Variants in TPRG1 observed in about 807,000 individuals in gnomAD.
TPRG1 encodes tumor protein p63-regulated gene 1 protein.
A neutral mutation model predicts 29.3 loss-of-function variants in TPRG1; 29 were observed. The ratio of observed to expected loss-of-function variants is 0.99; its 90% confidence interval spans 0.74 to 1.35. TPRG1 has a LOEUF of 1.35. Ranked by LOEUF, TPRG1 falls within the 40% of genes most tolerant of loss-of-function variation. TPRG1 has a pLI of 0.00. For missense variants in TPRG1, 327 were observed against 335.0 expected (o/e 0.98, Z 0.19); for synonymous variants, 130 against 116.8 (o/e 1.11, Z -0.73).
intron 1 of TPRG1, among the ~76,000 whole-genome samples, chr3:189,102,409 G>A (rs1719313146): frequency 6.6e-6 from 1 of 152,142 alleles, no homozygotes; most frequent in Admixed American, 6.5e-5. Flanking sequence ...CATTCACCAT[G>A]CCTCACATGT....
chr3:189,130,616 C>A (rs1723002782), intron 2 of TPRG1, among the ~76,000 whole-genome samples: 1 of 150,802 alleles, frequency 6.6e-6, no homozygotes, highest in Non-Finnish European at 1.5e-5. Flanking sequence ...AAACTAGAGG[C>A]AAATGTAGAT....
chr3:189,219,353 T>C (rs17480808), intron 3 of TPRG1, among the ~76,000 whole-genome samples: 10,245 of 152,172 alleles, frequency 0.067, 468 homozygotes, highest in Middle Eastern at 0.13. Context: ...AAACCTCAGC[T>C]AGATCCCAGT....
intron 4 of TPRG1, among the ~76,000 whole-genome samples, chr3:189,287,555 A>G (rs1289022008): frequency 1.3e-5 from 2 of 151,302 alleles, no homozygotes; most frequent in Non-Finnish European, 3.0e-5. Flanking sequence ...CCACCACCAC[A>G]CCTGGCTAAT....
chr3:189,304,539 A>T (rs186612213), intron 4 of TPRG1, among the ~76,000 whole-genome samples: 134 of 152,324 alleles, frequency 8.8e-4, no homozygotes, highest in African/African-American at 3.1e-3. Context: ...AAGAGAGCAG[A>T]TAAAGGCAGC....
intron 4 of TPRG1, among the ~76,000 whole-genome samples, chr3:189,250,507 C>T (rs1393754123): frequency 7.8e-5 from 6 of 77,250 alleles, no homozygotes; most frequent in Non-Finnish European, 1.2e-4. Flanking sequence ...GATTTCCGCC[C>T]CCCCCCCCCC....
At chr3:189,075,109 T>C (rs1040059203) in intron 4 of TPRG1, among the ~76,000 whole-genome samples, 1 of 151,702 alleles carries the variant, frequency 6.6e-6, no homozygotes. Flanking sequence ...GAGAGCGAAT[T>C]CATGCTCTGA....
chr3:189,114,229 A>G (rs1260056176), intron 1 of TPRG1, among the ~76,000 whole-genome samples: 1 of 152,018 alleles, frequency 6.6e-6, no homozygotes, highest in African/African-American at 2.4e-5. Flanking sequence ...GGAAACCAAC[A>G]TGTTGGACAC....
chr3:189,237,194 T>G (rs1739624997), intron 3 of TPRG1, among the ~76,000 whole-genome samples: 1 of 152,128 alleles, frequency 6.6e-6, no homozygotes, highest in Admixed American at 6.5e-5. Context: ...TCAATAGATA[T>G]GTATTTACTG....
At chr3:189,180,012 A>G (rs1464680758) in intron 1 of TPRG1, among the ~76,000 whole-genome samples, 1 of 152,236 alleles carries the variant, frequency 6.6e-6, no homozygotes, top group Non-Finnish European at 1.5e-5. Flanking sequence ...ATGGAAGGCA[A>G]GGAGGAGCAA....
Position 189,246,486 on chromosome 3 carries a change from A to G in TPRG1, c.479+7577A>G, listed in dbSNP as rs77781381. On this transcript the variant is annotated intron_variant, in intron 4 of 5. Transcript: ENST00000345063. ...ATGCTTTTAATCCATGACCTGCAAG[A>G]TAATGTTATAACTTGTGCTTTAATA... is the stretch of plus-strand genomic sequence containing the variant. 6.4e-3 allele frequency among the ~76,000 whole-genome samples: 982 copies of G among 152,314 alleles called. 14 individuals carry two copies. The highest frequency in any genetic ancestry group is 0.022 in the African/African-American group (915 of 41,574).
At chr3:189,284,159 TC>T (rs1384655461) in intron 4 of TPRG1, among the ~76,000 whole-genome samples, 4 of 151,542 alleles carry the variant, frequency 2.6e-5, no homozygotes, top group Non-Finnish European at 5.9e-5. Flanking sequence ...CTTGCATCCC[TC>T]CCCGCATTTT....
intron 5 of TPRG1, among the ~76,000 whole-genome samples, chr3:189,312,129 CTTTCTTT>C (rs1722670266): frequency 1.0e-4 from 4 of 38,194 alleles, no homozygotes. Flanking sequence ...TTCTTTCTTT[CTTTCTTT>C]CTTTCTTTCT....
intron 4 of TPRG1, among the ~76,000 whole-genome samples, chr3:189,075,388 G>A (rs1717101253): frequency 1.3e-5 from 2 of 152,278 alleles, no homozygotes; most frequent in South Asian, 4.1e-4. Context: ...ACCCACCTCG[G>A]CCTCCCAAAG....
At chr3:189,076,831 A>C (rs1167948059) in intron 4 of TPRG1, among the ~76,000 whole-genome samples, 1 of 152,044 alleles carries the variant, frequency 6.6e-6, no homozygotes, top group Non-Finnish European at 1.5e-5. Context: ...TAAATAGCTA[A>C]ATATTGTCAT....
intron 4 of TPRG1, among the ~76,000 whole-genome samples, chr3:189,056,012 C>T (rs1715644686): frequency 7.1e-6 from 1 of 141,058 alleles, no homozygotes; most frequent in Admixed American, 7.1e-5. Flanking sequence ...CTCTCTCTCC[C>T]TCCCTCCCTT....
At chr3:189,003,086 G>A (rs1336564514) in intron 2 of TPRG1, among the ~76,000 whole-genome samples, 4 of 152,102 alleles carry the variant, frequency 2.6e-5, no homozygotes. Flanking sequence ...AAGGCATAAC[G>A]ACATTATTTT....
chr3:189,145,782 A>G (rs908706923), intron 3 of TPRG1, among the ~76,000 whole-genome samples: 1 of 152,256 alleles, frequency 6.6e-6, no homozygotes, highest in Admixed American at 6.5e-5. Flanking sequence ...TGGAGATGAT[A>G]TTGGAGGTAT....
At chr3:189,277,905 T>C (rs1716441016) in intron 4 of TPRG1, among the ~76,000 whole-genome samples, 2 of 152,234 alleles carry the variant, frequency 1.3e-5, no homozygotes, top group South Asian at 4.1e-4. Flanking sequence ...AAATAAGATA[T>C]AGCTGTTACA....
At chr3:189,133,115 C>T (rs898725873) in intron 3 of TPRG1, among the ~76,000 whole-genome samples, 21 of 152,080 alleles carry the variant, frequency 1.4e-4, no homozygotes, top group African/African-American at 5.1e-4. Flanking sequence ...TGTGTGTATT[C>T]AGGATTTAGC....
Sources: gnomAD v4.1 joint callset for allele counts (sites outside exome capture counted in the v4.1 genomes callset) on GRCh38, gnomAD v4.1.1 for gene constraint, MANE v1.5 for transcripts, NCBI Gene and HGNC (gene_info 2026-07-23, HGNC 2026-07-21) for gene names.